DNAH9: variants seen among roughly 807,000 people sequenced by gnomAD.
DNAH9 encodes the protein dynein axonemal heavy chain 9, also known as DNAH9 variant protein.
Under a neutral mutation model 471.6 loss-of-function variants are expected in DNAH9, and 345 were observed. The observed-to-expected ratio is 0.73, with a 90% confidence interval of 0.67 to 0.80. DNAH9 has a LOEUF of 0.80. Among genes scored for constraint, DNAH9 ranks in the 30% least tolerant of loss-of-function variants. DNAH9 has a pLI of 0.00. For synonymous variants in DNAH9, 2,093 were observed against 2,123.6 expected, an observed-to-expected ratio of 0.99 and a Z score of 0.40; for missense variants, 5,407 against 5,609.2, an observed-to-expected ratio of 0.96 and a Z score of 1.15.
chr17:11,718,412 T>G (rs1398623867), intron 26 of DNAH9, among the ~76,000 whole-genome samples: 3 of 152,406 alleles, frequency 2.0e-5, no homozygotes, highest in African/African-American at 7.2e-5. Context: ...CAGGTAGATA[T>G]TGTGCTACGC....
chr17:11,790,700 T>G (rs147353762), intron 41 of DNAH9, among the ~76,000 whole-genome samples: 1 of 151,942 alleles, frequency 6.6e-6, no homozygotes, highest in Non-Finnish European at 1.5e-5. Flanking sequence ...CTACTTATGC[T>G]CTTTTTAATA....
At chr17:11,806,857 A>G (rs1969705993) in intron 43 of DNAH9, among the ~76,000 whole-genome samples, 2 of 152,116 alleles carry the variant, frequency 1.3e-5, no homozygotes, top group Admixed American at 6.5e-5. Flanking sequence ...TCTTTTTATA[A>G]AGGGTGTAGC....
chr17:11,699,670 A>G (rs2074556381), intron 22 of DNAH9, 61 bp from the exon 23 acceptor site: 1 of 1,514,588 alleles, frequency 6.6e-7, no homozygotes, highest in Non-Finnish European at 9.2e-7. Flanking sequence ...CCTCTAAACA[A>G]TTCTAATAAG....
chr17:11,871,620 A>G lies in DNAH9; in HGVS notation c.10076A>G (p.Asn3359Ser). 1 of 1,614,004 alleles carries G rather than the reference A, an allele frequency of 6.2e-7. No individual in the cohort carries two copies. The change falls in exon 52 of 69, where the codon AAC (asparagine) becomes AGC (serine). Residue 3359 changes from asparagine (N) to serine (S), a missense_variant. Around this residue, in one of 3 missense-constraint regions of DNAH9, gnomAD observed 4,636 missense variants for 4,900.3 expected, o/e 0.95. Transcript: ENST00000262442. The part of the protein sequence containing the change: ...NRLVGGLASE[N>S]VRWADAVQNF... The stretch of plus-strand genomic sequence containing the variant: ...TAGGTTGGAGGACTCGCTTCTGAAA[A>G]CGTGAGGTGGGCAGATGCCGTGCAG...
In DNAH9 at chr17:11,598,583, G is replaced by A. The variant is rs2072309734; in HGVS notation, c.85G>A (p.Gly29Arg). ...CGCCGACCGACGACTGCGACTCCTG[G>A]GGACCTACGTGGCCATGAGCCTGCG... ...PGADRRLRLL[G>R]TYVAMSLRPA... Residue 29 changes from glycine (G) to arginine (R), a missense_variant, in exon 1 of 69, where the codon GGG (glycine) becomes AGG (arginine). This residue lies in a region of DNAH9 where 767 missense variants were observed against 692.5 expected (regional missense o/e 1.11). Transcript: ENST00000262442. 6 of 1,334,904 alleles carry A rather than the reference G, an allele frequency of 4.5e-6. No individual in the cohort carries two copies. In the African/African-American group the frequency reaches 4.6e-5, roughly 10 times the overall value. 82.7% of individuals were successfully genotyped at this position (1,334,904 alleles called of 1,614,324 possible). A position where few individuals can be genotyped will look rare whatever the true frequency, so the allele number is the denominator to read the frequency against.
chr17:11,616,386 C>G (rs2072744569), intron 4 of DNAH9, among the ~76,000 whole-genome samples: 1 of 152,178 alleles, frequency 6.6e-6, no homozygotes, highest in East Asian at 1.9e-4. Flanking sequence ...AGACCACCTG[C>G]TCTCATATGA....
intron 32 of DNAH9, among the ~76,000 whole-genome samples, chr17:11,748,761 G>A (rs910038019): frequency 2.0e-4 from 31 of 152,010 alleles, no homozygotes; most frequent in Non-Finnish European, 1.2e-4. Context: ...GAAAGTTGAG[G>A]GGGAAAAAAA....
At chr17:11,603,768 A>C (rs1200242324) in intron 1 of DNAH9, among the ~76,000 whole-genome samples, 2 of 152,096 alleles carry the variant, frequency 1.3e-5, no homozygotes, top group African/African-American at 4.8e-5. Context: ...ATCATCACTC[A>C]TCAGGCTTTG....
chr17:11,699,227 C>A (rs546966873), intron 22 of DNAH9, among the ~76,000 whole-genome samples: 243 of 152,064 alleles, frequency 1.6e-3, no homozygotes, highest in Non-Finnish European at 2.4e-3. Flanking sequence ...CCAGCCTGGG[C>A]GACAGAGCCA....
chr17:11,618,164 A>T (rs899359568), intron 5 of DNAH9, among the ~76,000 whole-genome samples: 1 of 152,224 alleles, frequency 6.6e-6, no homozygotes, highest in Non-Finnish European at 1.5e-5. Context: ...TGCCCTGCAC[A>T]TGGTAAGAAC....
intron 67 of DNAH9, among the ~76,000 whole-genome samples, chr17:11,953,440 G>A (rs1243325591): frequency 6.6e-6 from 1 of 152,186 alleles, no homozygotes; most frequent in African/African-American, 2.4e-5. Flanking sequence ...ATGGGATGAA[G>A]TGAAGTGGTA....
chr17:11,849,796 C>A lies in DNAH9; in HGVS notation c.9508-4207C>A, dbSNP rs547828392. ...ATCTATCTCTTTGTTGCCTGTCTCCCCCACCTGAATGAGCAAAAGGACTTT... is the reference window on the plus strand; with the variant it reads ...ATCTATCTCTTTGTTGCCTGTCTCCACCACCTGAATGAGCAAAAGGACTTT... On this transcript the variant is annotated intron_variant, in intron 49 of 68. Coordinates refer to ENST00000262442, the MANE Select transcript of DNAH9 (RefSeq NM_001372.4). Among the ~76,000 whole-genome samples, 4 of 152,288 alleles carry A rather than the reference C, an allele frequency of 2.6e-5. No individual in the cohort carries two copies. The South Asian group carries it at 8.3e-4, about 32-fold the overall frequency.
chr17:11,607,557 GT>G (rs1330749762), intron 1 of DNAH9, among the ~76,000 whole-genome samples: 1 of 151,978 alleles, frequency 6.6e-6, no homozygotes, highest in Non-Finnish European at 1.5e-5. Context: ...TTGATAAAGA[GT>G]TTTTTGTTTT....
chr17:11,861,524 CTTTGGGTATATACCCAG>C (rs1971848844), intron 50 of DNAH9, among the ~76,000 whole-genome samples: 1 of 151,966 alleles, frequency 6.6e-6, no homozygotes, highest in South Asian at 2.1e-4. Context: ...ATTTATAGTC[CTTTGGGTATATACCCAG>C]TAATGGGATG....
intron 1 of DNAH9, 31 bp from the exon 2 acceptor site, chr17:11,608,094 CACCT>C: frequency 6.7e-7 from 1 of 1,482,446 alleles, no homozygotes; most frequent in Non-Finnish European, 9.2e-7. Context: ...AGAATTGGAA[CACCT>C]GCCTTTCTTT....
rs9900534 is a variant in DNAH9, at chr17:11,700,260, C to A, written c.5025+377C>A. 7.2e-3 allele frequency among the ~76,000 whole-genome samples: 1,101 copies of A among 152,200 alleles called. 13 individuals carry two copies. Among genetic ancestry groups the A allele is most frequent in the African/African-American group, 0.024 (1,016 of 41,520 alleles). Reference sequence around the variant, plus strand: ...CTGGGAGAATCTGGAACACTGACACCCTCCCTGGGAGAAAAATGTCCTTTT... The same window carrying A: ...CTGGGAGAATCTGGAACACTGACACACTCCCTGGGAGAAAAATGTCCTTTT... On this transcript the variant is annotated intron_variant, in intron 23 of 68. Transcript: ENST00000262442.
chr17:11,908,201 TGA>T (rs1973671369), intron 61 of DNAH9, among the ~76,000 whole-genome samples: 1 of 152,222 alleles, frequency 6.6e-6, no homozygotes, highest in Non-Finnish European at 1.5e-5. Flanking sequence ...TATTTTCATC[TGA>T]GTTTGGTTGA....
Position 11,598,817 on chromosome 17 carries a change from G to A in DNAH9, c.319G>A (p.Gly107Arg), listed in dbSNP as rs999011787. The change falls in exon 1 of 69, where the codon GGG becomes AGG. Residue 107 changes from glycine (G) to arginine (R), a missense_variant. Physicochemically the swap from Gly to Arg is moderately radical, Grantham distance 125 (BLOSUM62 -2). Around this residue, in one of 3 missense-constraint regions of DNAH9, gnomAD observed 767 missense variants for 692.5 expected, o/e 1.11. Coordinates refer to ENST00000262442, the MANE Select transcript of DNAH9 (RefSeq NM_001372.4). ...TAAGGCGCTTTTTTTCCTTCGCACC[G>A]GGCCCGAGCCTCCAGGGCCCGACAG... ...GAKALFFLRT[G>R]PEPPGPDSFR... 2 of 1,489,956 alleles carry A rather than the reference G, an allele frequency of 1.3e-6. No individual in the cohort carries two copies. The highest frequency in any genetic ancestry group is 1.2e-5 in the South Asian group (1 of 80,894). The allele number at this position is 1,489,956 out of a possible 1,614,324, so 92.3% of individuals were successfully genotyped here.
intron 48 of DNAH9, among the ~76,000 whole-genome samples, chr17:11,827,774 C>T (rs1970547622): frequency 6.6e-6 from 1 of 152,062 alleles, no homozygotes; most frequent in African/African-American, 2.4e-5. Context: ...CAACCTCCGC[C>T]TCCCAGGCTC....
Sources: allele counts gnomAD v4.1 joint callset (sites outside exome capture counted in the v4.1 genomes callset), GRCh38; gene constraint gnomAD v4.1.1; regional missense constraint gnomAD v4.1.1; transcripts MANE v1.5; gene names NCBI Gene and HGNC (gene_info 2026-07-23, HGNC 2026-07-21).